The following C1orf94 variants were observed in gnomAD, a reference collection of about 807,000 sequenced individuals.
The protein encoded by C1orf94 is chromosome 1 open reading frame 94.
A neutral mutation model predicts 53.6 loss-of-function variants in C1orf94; 45 were observed. That is an observed-to-expected ratio of 0.84 (90% CI 0.66 to 1.08). The LOEUF is 1.08. Among genes scored for constraint, C1orf94 ranks in the 50% least tolerant of loss-of-function variants. C1orf94 has a pLI of 0.00. For missense variants in C1orf94, 762 were observed against 738.9 expected (o/e 1.03, Z -0.36); for synonymous variants, 304 against 296.1 (o/e 1.03, Z -0.27).
intron 1 of C1orf94, among the ~76,000 whole-genome samples, chr1:34,184,289 G>A (rs1049951648): frequency 5.3e-5 from 8 of 152,186 alleles, no homozygotes; most frequent in African/African-American, 1.9e-4. Context: ...CCCAGCAGCA[G>A]GCGCAGGGAA....
chr1:34,198,726 C>G (rs898248177), intron 2 of C1orf94, among the ~76,000 whole-genome samples: 2 of 152,256 alleles, frequency 1.3e-5, no homozygotes, highest in African/African-American at 2.4e-5. Context: ...CCAAATTAAT[C>G]TACCTGAGAA....
chr1:34,170,679 T>G (rs988210208), intron 1 of C1orf94, among the ~76,000 whole-genome samples: 3 of 150,390 alleles, frequency 2.0e-5, no homozygotes, highest in Non-Finnish European at 4.4e-5. Flanking sequence ...TCTCCTCAGA[T>G]GTCTCATAGG....
intron 1 of C1orf94, among the ~76,000 whole-genome samples, chr1:34,187,996 A>G (rs1038930995): frequency 5.3e-5 from 8 of 152,100 alleles, no homozygotes; most frequent in Admixed American, 2.0e-4. Flanking sequence ...CAAGTGCACC[A>G]TTGCATCAAA....
chr1:34,172,732 G>C (rs897078095), upstream of C1orf94, among the ~76,000 whole-genome samples: 2 of 152,218 alleles, frequency 1.3e-5, no homozygotes, highest in African/African-American at 4.8e-5. Flanking sequence ...AATATTCAAG[G>C]TTCCTTTTCA....
chr1:34,168,357 G>T (rs1642084046), intron 1 of C1orf94, among the ~76,000 whole-genome samples: 1 of 151,964 alleles, frequency 6.6e-6, no homozygotes, highest in Admixed American at 6.6e-5. Flanking sequence ...AAGAGCTTTT[G>T]GTATAGTGAG....
chr1:34,188,946 T>G (rs1009794630), intron 1 of C1orf94, among the ~76,000 whole-genome samples: 36 of 152,160 alleles, frequency 2.4e-4, no homozygotes, highest in Admixed American at 1.2e-3. Context: ...GCCCCCCAGA[T>G]AGTGAGAGAG....
At chr1:34,215,455 A>G (rs1028128919) in intron 6 of C1orf94, among the ~76,000 whole-genome samples, 18 of 152,214 alleles carry the variant, frequency 1.2e-4, no homozygotes, top group Non-Finnish European at 2.2e-4. Context: ...TCAATGTCTG[A>G]AGAATGGACT....
At chr1:34,174,023 C>T (rs374983709), upstream of C1orf94, among the ~76,000 whole-genome samples, 6 of 152,216 alleles carry the variant, frequency 3.9e-5, no homozygotes, top group Admixed American at 6.5e-5. Context: ...TGCTTTGCCC[C>T]GCCTCTGTCA....
chr1:34,198,354 G>A lies in C1orf94; in HGVS notation c.1009+441G>A, dbSNP rs548555750. ...ATCTATCTCATGGAGGTACCTTGAG[G>A]ACATGAGGCCTGGTCCTCCCTCTCT... On this transcript the variant is annotated intron_variant, in intron 2 of 6. Transcript: ENST00000488417. Among the ~76,000 whole-genome samples, 158 of 152,220 alleles carry A rather than the reference G, an allele frequency of 1.0e-3. 1 individual carries two copies. Among genetic ancestry groups the A allele is most frequent in the Non-Finnish European group, 1.8e-3 (120 of 68,046 alleles).
At chr1:34,193,031 C>G (rs1642518835) in intron 1 of C1orf94, among the ~76,000 whole-genome samples, 1 of 152,136 alleles carries the variant, frequency 6.6e-6, no homozygotes. Flanking sequence ...CCTAGCTCTG[C>G]AGGCACGTAG....
Position 34,197,885 on chromosome 1 carries a change from C to T in C1orf94, c.981C>T (p.Asp327=), listed in dbSNP as rs749335287. ...FAKICSKPKA[D]PAVERHHLME... is the part of the protein sequence containing the mutation. ...AGATCTGTTCCAAGCCCAAGGCTGA[C>T]CCTGCTGTGGAGAGGCACCACTTGA... The change falls in exon 2 of 7, where the codon GAC becomes GAT. Residue 327 remains aspartate, a synonymous_variant. Transcript: ENST00000488417. This position sits in a 1 kb window ranked among gnomAD's most constrained non-coding sequence, Gnocchi z 4.1. 5.0e-6 allele frequency: 8 copies of T among 1,614,006 alleles called. No individual in the cohort carries two copies. In the Admixed American group the frequency reaches 1.3e-4, roughly 27 times the overall value.
chr1:34,174,296 C>T (rs532332271), upstream of C1orf94, among the ~76,000 whole-genome samples: 6 of 152,306 alleles, frequency 3.9e-5, no homozygotes, highest in East Asian at 5.8e-4. Flanking sequence ...CTGTATAACA[C>T]GTTTATCTGT....
In C1orf94 at chr1:34,189,384, G is replaced by A. The variant is rs79559684; in HGVS notation, c.321-7841G>A. 4.4e-3 allele frequency among the ~76,000 whole-genome samples: 675 copies of A among 152,122 alleles called. 1 individual carries two copies. Among genetic ancestry groups the A allele is most frequent in the Non-Finnish European group, 8.0e-3 (543 of 67,978 alleles). ...GGCGGGGGGTGGCTATGGTGTGTAT[G>A]TGGGGAGAAGGTACCTGGGCAATTC... On this transcript the variant is annotated intron_variant, in intron 1 of 6. Coordinates refer to ENST00000488417, the MANE Select transcript of C1orf94 (RefSeq NM_001134734.2).
At position 34,218,956 on chromosome 1, in the gene C1orf94, T is replaced by TACAC. The variant is rs67041028; in HGVS notation, c.*211_*214dup. ...AGCCCTCCTCACACATGGCACAAGC[T>TACAC]ACACACACACACACACACATGACCC... is the stretch of plus-strand genomic sequence containing the variant. On this transcript the variant is annotated 3_prime_UTR_variant, in exon 7 of 7. Transcript: ENST00000488417. 1.0e-3 allele frequency: 388 copies of TACAC among 371,890 alleles called. 2 individuals carry two copies. Among genetic ancestry groups the TACAC allele is most frequent in the African/African-American group, 8.1e-3 (371 of 45,810 alleles). 23.0% of individuals were successfully genotyped at this position (371,890 alleles called of 1,614,324 possible). A position where few individuals can be genotyped will look rare whatever the true frequency, so the allele number is the denominator to read the frequency against.
upstream of C1orf94, among the ~76,000 whole-genome samples, chr1:34,172,320 G>A (rs1010596115): frequency 1.3e-5 from 2 of 152,190 alleles, no homozygotes; most frequent in Admixed American, 1.3e-4. Flanking sequence ...CTCATAGGCT[G>A]CCATTTTTAC....
chr1:34,189,228 A>G (rs1256748260), intron 1 of C1orf94, among the ~76,000 whole-genome samples: 3 of 151,664 alleles, frequency 2.0e-5, no homozygotes, highest in Non-Finnish European at 2.9e-5. Context: ...ATTTGTGTGC[A>G]TGGCTGTGGT....
chr1:34,213,237 G>C (rs990530599), intron 6 of C1orf94, among the ~76,000 whole-genome samples: 4 of 152,180 alleles, frequency 2.6e-5, no homozygotes, highest in Admixed American at 6.5e-5. Flanking sequence ...CAGCCTGACA[G>C]TGATTCCCAT....
chr1:34,182,012 G>A (rs1016235587), intron 1 of C1orf94, among the ~76,000 whole-genome samples: 5 of 152,246 alleles, frequency 3.3e-5, no homozygotes, highest in Admixed American at 6.5e-5. Flanking sequence ...TGGGCAACAT[G>A]GCAAGACCTC....
At chr1:34,193,225 C>T (rs1460696122) in intron 1 of C1orf94, among the ~76,000 whole-genome samples, 1 of 152,032 alleles carries the variant, frequency 6.6e-6, no homozygotes, top group South Asian at 2.1e-4. Context: ...TTTATTCCCC[C>T]AAAATGTTGA....
Sources: allele counts gnomAD v4.1 joint callset (sites outside exome capture counted in the v4.1 genomes callset), GRCh38; gene constraint gnomAD v4.1.1; non-coding constraint Gnocchi (gnomAD v3.1); transcripts MANE v1.5; gene names NCBI Gene and HGNC (gene_info 2026-07-23, HGNC 2026-07-21).